The following CUX1 variants were observed in gnomAD, a reference collection of about 807,000 sequenced individuals.
The protein encoded by CUX1 is cut like homeobox 1.
Under a neutral mutation model 158.8 loss-of-function variants are expected in CUX1, and 31 were observed. The ratio of observed to expected loss-of-function variants is 0.20; its 90% confidence interval spans 0.15 to 0.26. The LOEUF is 0.26. Ranked by LOEUF, CUX1 falls within the 10% of genes least tolerant of loss-of-function variation. The pLI is 1.00. For missense variants in CUX1, 1,589 were observed against 2,014.6 expected, an observed-to-expected ratio of 0.79 and a Z score of 4.04; for synonymous variants, 879 against 862.1, an observed-to-expected ratio of 1.02 and a Z score of -0.34.
chr7:102,251,354 T>G lies in CUX1; in HGVS notation c.*2312T>G. On this transcript the variant is annotated 3_prime_UTR_variant, in exon 24 of 24. Transcript: ENST00000292535. ...TTGACTGTAAGATGTGAAACCACGT[T>G]TCTTGCATGATGTTTTAGAGATTAT... is the stretch of plus-strand genomic sequence containing the variant. 3 of 985,454 alleles carry G rather than the reference T, an allele frequency of 3.0e-6. No homozygotes were observed. The highest frequency in any genetic ancestry group is 3.6e-6 in the Non-Finnish European group (3 of 829,932). 61.0% of individuals were successfully genotyped at this position (985,454 alleles called of 1,614,324 possible).
At chr7:102,175,492 C>T (rs782309236) in intron 10 of CUX1, among the ~76,000 whole-genome samples, 1 of 152,098 alleles carries the variant, frequency 6.6e-6, no homozygotes, top group Non-Finnish European at 1.5e-5. Flanking sequence ...AGGGACTCCC[C>T]AGGGCTGCCA....
At chr7:101,947,804 T>C (rs1808579288) in intron 2 of CUX1, among the ~76,000 whole-genome samples, 1 of 152,164 alleles carries the variant, frequency 6.6e-6, no homozygotes, top group Non-Finnish European at 1.5e-5. Flanking sequence ...ACTTAGCCAT[T>C]CCACTGGCAA....
rs1801264159 is a variant in CUX1, at chr7:102,249,597, T to C, written c.*555T>C. 1 of 985,710 alleles carries C rather than the reference T, an allele frequency of 1.0e-6. No homozygotes were observed. The highest frequency in any genetic ancestry group is 4.7e-5 in the South Asian group (1 of 21,280). 61.1% of individuals were successfully genotyped at this position (985,710 alleles called of 1,614,324 possible). A position where few individuals can be genotyped will look rare whatever the true frequency, so the allele number is the denominator to read the frequency against. On this transcript the variant is annotated 3_prime_UTR_variant, in exon 24 of 24. Coordinates refer to ENST00000292535, the MANE Select transcript of CUX1 (RefSeq NM_181552.4). The stretch of plus-strand genomic sequence containing the variant: ...AAAGAAAAAAAATCAAACCCACATA[T>C]TAAAAGGGGGCTTTTTATCTGCCAT...
At chr7:102,225,337 T>C (rs1374232793) in intron 20 of CUX1, among the ~76,000 whole-genome samples, 2 of 152,248 alleles carry the variant, frequency 1.3e-5, no homozygotes, top group African/African-American at 4.8e-5. Flanking sequence ...TTTTGCTCTT[T>C]CTAGGTATGA....
intron 8 of CUX1, among the ~76,000 whole-genome samples, chr7:102,129,947 G>A (rs939241340): frequency 6.6e-6 from 1 of 152,090 alleles, no homozygotes; most frequent in East Asian, 1.9e-4. Flanking sequence ...GCTCTTGTTC[G>A]GGGATTTCGT....
At chr7:102,148,688 G>A (rs1000234331) in intron 8 of CUX1, among the ~76,000 whole-genome samples, 23 of 147,986 alleles carry the variant, frequency 1.6e-4, no homozygotes, top group African/African-American at 5.2e-4. Flanking sequence ...ATTAATGTAT[G>A]TGTTATATAT....
At chr7:102,280,966 T>G in intron 20 of CUX1, 1 of 987,568 alleles carries the variant, frequency 1.0e-6, no homozygotes, top group Non-Finnish European at 1.5e-6. Flanking sequence ...CCGCCAGCCC[T>G]GCCAAGAGTG....
chr7:101,981,951 C>T (rs1177641342), intron 2 of CUX1, among the ~76,000 whole-genome samples: 2 of 152,170 alleles, frequency 1.3e-5, no homozygotes, highest in African/African-American at 2.4e-5. Flanking sequence ...GGAGGTTTCG[C>T]TCAGCCACAT....
downstream of CUX1, among the ~76,000 whole-genome samples, chr7:102,259,463 C>T (rs1304535438): frequency 6.6e-6 from 1 of 152,188 alleles, no homozygotes; most frequent in Non-Finnish European, 1.5e-5. Context: ...TGGCGGGTGC[C>T]TGTAATCCCA....
intron 4 of CUX1, among the ~76,000 whole-genome samples, chr7:102,086,063 A>G (rs1212661819): frequency 1.3e-5 from 2 of 152,206 alleles, no homozygotes; most frequent in African/African-American, 4.8e-5. Context: ...AATATTGTAC[A>G]TAATATTTTA....
At chr7:102,011,939 G>A (rs1314408995) in intron 2 of CUX1, among the ~76,000 whole-genome samples, 1 of 151,946 alleles carries the variant, frequency 6.6e-6, no homozygotes, top group East Asian at 1.9e-4. Context: ...CTCCCAAGTA[G>A]CTAGGATTAC....
At chr7:102,206,977 A>G (rs1796018398) in intron 20 of CUX1, among the ~76,000 whole-genome samples, 1 of 152,210 alleles carries the variant, frequency 6.6e-6, no homozygotes, top group African/African-American at 2.4e-5. Flanking sequence ...CGATGCCAGA[A>G]GCAACTTCTA....
chr7:101,951,299 C>G (rs1408473556), intron 2 of CUX1, among the ~76,000 whole-genome samples: 1 of 151,750 alleles, frequency 6.6e-6, no homozygotes, highest in Non-Finnish European at 1.5e-5. Flanking sequence ...CCACCGCACT[C>G]CAGCCTGGGT....
At chr7:102,267,057 T>A (rs1790861431) in intron 14 of CUX1, among the ~76,000 whole-genome samples, 1 of 151,978 alleles carries the variant, frequency 6.6e-6, no homozygotes. Context: ...GGCCAGCACC[T>A]GCAGGCATGG....
At chr7:102,209,600 C>T (rs1166366380) in intron 20 of CUX1, among the ~76,000 whole-genome samples, 2 of 152,128 alleles carry the variant, frequency 1.3e-5, no homozygotes, top group African/African-American at 4.8e-5. Flanking sequence ...GCAAAATGCC[C>T]AGCACCTTGG....
At chr7:102,102,206 T>C (rs1319616021) in intron 5 of CUX1, among the ~76,000 whole-genome samples, 2 of 151,672 alleles carry the variant, frequency 1.3e-5, no homozygotes, top group African/African-American at 2.4e-5. Flanking sequence ...TCCACCTCTC[T>C]ACGGAAAGCA....
intron 17 of CUX1, among the ~76,000 whole-genome samples, chr7:102,275,993 C>T (rs1298692072): frequency 7.1e-6 from 1 of 141,100 alleles, no homozygotes; most frequent in Non-Finnish European, 1.5e-5. Flanking sequence ...GCCTGTGTGA[C>T]AGAGCAAGAC....
At chr7:102,242,205 C>CTTTTTTTTTTTT (rs67514665) in intron 23 of CUX1, among the ~76,000 whole-genome samples, 76 of 93,000 alleles carry the variant, frequency 8.2e-4, no homozygotes, top group Non-Finnish European at 9.5e-4. Context: ...TTCTTTCTTT[C>CTTTTTTTTTTTT]TTTTTTTTTT....
chr7:102,006,395 T>G (rs1817383112), intron 2 of CUX1, among the ~76,000 whole-genome samples: 1 of 152,174 alleles, frequency 6.6e-6, no homozygotes, highest in South Asian at 2.1e-4. Context: ...TTTTTTTCTT[T>G]TCTTTTCTTT....
Sources: allele counts gnomAD v4.1 joint callset (sites outside exome capture counted in the v4.1 genomes callset), GRCh38; gene constraint gnomAD v4.1.1; transcripts MANE v1.5; gene names NCBI Gene and HGNC (gene_info 2026-07-23, HGNC 2026-07-21).